SERPINF2: variants seen among roughly 807,000 people sequenced by gnomAD.
SERPINF2 encodes serpin family F member 2.
Under a neutral mutation model 45.0 loss-of-function variants are expected in SERPINF2, and 15 were observed. That is an observed-to-expected ratio of 0.33 (90% CI 0.22 to 0.51). The LOEUF (loss-of-function observed/expected upper bound fraction) is 0.51. SERPINF2 is among the 20% of genes least tolerant of loss of function. SERPINF2 has a pLI of 0.97. For synonymous variants in SERPINF2, 283 were observed against 277.9 expected, an observed-to-expected ratio of 1.02 and a Z score of -0.18; for missense variants, 518 against 637.4, an observed-to-expected ratio of 0.81 and a Z score of 2.02.
At position 1,745,244 on chromosome 17, in the gene SERPINF2, G is replaced by C. The variant is rs1289669344; in HGVS notation, c.102+31G>C. On this transcript the variant is annotated intron_variant, in intron 3 of 9. Transcript: ENST00000453066. The surrounding 1 kb of genome is among the most constrained non-coding windows in gnomAD (Gnocchi z 6.2). ...GGGGAGTGAGGAGCCTGTGATGGGG[G>C]GAAGGTCCCGGGGGTCTCACTGGTG... 6.3e-7 allele frequency: 1 copy of C among 1,584,954 alleles called. No individual in the cohort carries two copies. The highest frequency in any genetic ancestry group is 1.8e-5 in the Admixed American group (1 of 55,402).
chr17:1,754,912 T>C lies in SERPINF2; in HGVS notation c.*378T>C. ...AGGGGGAGAGGGCTGCCTTTGGACT[T>C]GTCCCGGGACACCTAGGCTAGGGTG... On this transcript the variant is annotated 3_prime_UTR_variant, in exon 10 of 10. Coordinates refer to ENST00000453066, the MANE Select transcript of SERPINF2 (RefSeq NM_000934.4). 3.3e-6 allele frequency: 1 copy of C among 298,600 alleles called. No homozygotes were observed. Among genetic ancestry groups the C allele is most frequent in the East Asian group, 7.1e-5 (1 of 13,998 alleles). The allele number at this position is 298,600 out of a possible 1,614,324, so 18.5% of individuals were successfully genotyped here.
At position 1,747,124 on chromosome 17, in the gene SERPINF2, G is replaced by A. The variant is rs141696263; in HGVS notation, c.473G>A (p.Gly158Asp). Residue 158 changes from glycine (G) to aspartate (D), a missense_variant, in exon 6 of 10, where the codon GGC becomes GAC. This residue lies in a region of SERPINF2 where 435 missense variants were observed against 577.3 expected (regional missense o/e 0.75). Coordinates refer to ENST00000453066, the MANE Select transcript of SERPINF2 (RefSeq NM_000934.4). ...CGCCTCTGCCAGGACCTGGGCCCCG[G>A]CGCGTTCCGACTGGCTGCCAGGATG... Reference protein sequence around the residue: ...LSRLCQDLGPGAFRLAARMYL... With the variant: ...LSRLCQDLGPDAFRLAARMYL... 278 of 1,611,852 alleles carry A rather than the reference G, an allele frequency of 1.7e-4. No individual in the cohort carries two copies. The African/African-American group carries it at 3.3e-3, about 19-fold the overall frequency.
intron 7 of SERPINF2, among the ~76,000 whole-genome samples, chr17:1,748,302 TA>T (rs552756412): frequency 0.24 from 34,397 of 140,736 alleles, 4,744 homozygotes; most frequent in East Asian, 0.5. Context: ...AGACTCCGTC[TA>T]AAAAAAAAAA....
In SERPINF2 at chr17:1,745,644, G is replaced by A; in HGVS notation, c.166-64G>A. 1 of 1,506,970 alleles carries A rather than the reference G, an allele frequency of 6.6e-7. No individual in the cohort carries two copies. The highest frequency in any genetic ancestry group is 9.2e-7 in the Non-Finnish European group (1 of 1,090,322). The allele number at this position is 1,506,970 out of a possible 1,614,324, so 93.3% of individuals were successfully genotyped here. A position where few individuals can be genotyped will look rare whatever the true frequency, so the allele number is the denominator to read the frequency against. On this transcript the variant is annotated intron_variant, in intron 4 of 9. Coordinates refer to ENST00000453066, the MANE Select transcript of SERPINF2 (RefSeq NM_000934.4). This position sits in a 1 kb window ranked among gnomAD's most constrained non-coding sequence, Gnocchi z 6.2. ...TCCTCAGGCACAGGGGCTGTGACAA[G>A]GCCTTCAACACAGAACCTGGAGCTG... is the stretch of plus-strand genomic sequence containing the variant.
intron 8 of SERPINF2, among the ~76,000 whole-genome samples, chr17:1,750,951 G>A (rs940442157): frequency 5.3e-5 from 8 of 151,854 alleles, no homozygotes; most frequent in East Asian, 1.9e-4. Context: ...TTCATCCTTC[G>A]TCTCCTTTCC....
chr17:1,745,099 G>C lies in SERPINF2; in HGVS notation c.63+41G>C. ...AGTCAAGGTGGGGTGGGGTGGAGGG[G>C]GAAGAAGAGGGGCGTTGGCATGGAG... On this transcript the variant is annotated intron_variant, in intron 2 of 9. Transcript: ENST00000453066. The surrounding 1 kb of genome is among the most constrained non-coding windows in gnomAD (Gnocchi z 6.2). 3.1e-6 allele frequency: 5 copies of C among 1,608,694 alleles called. No homozygotes were observed. The highest frequency in any genetic ancestry group is 4.2e-6 in the Non-Finnish European group (5 of 1,178,668).
Position 1,754,279 on chromosome 17 carries a change from C to T in SERPINF2, c.1221C>T (p.Ser407=), listed in dbSNP as rs746295482. 6 of 1,614,154 alleles carry T rather than the reference C, an allele frequency of 3.7e-6. No individual in the cohort carries two copies. The South Asian group carries it at 4.4e-5, about 12-fold the overall frequency. Residue 407 remains serine (S), a synonymous_variant, in exon 10 of 10, where the codon TCC becomes TCT. Transcript: ENST00000453066. ...TSIAMSRMSL[S]SFSVNRPFLF... ...TTGCCATGTCCCGCATGTCCCTGTC[C>T]TCCTTCAGCGTGAACCGCCCCTTCC... is the stretch of plus-strand genomic sequence containing the variant.
At position 1,754,667 on chromosome 17, in the gene SERPINF2, CTCTTGGGGAGTTTAGGGTGGGGGGGGGG is replaced by C; in HGVS notation, c.*134_*161del. The stretch of plus-strand genomic sequence containing the variant: ...GAGAGAGGCCATTCTTTCCCAACAC[CTCTTGGGGAGTTTAGGGTGGGGGGGGGG>C]CGCGGCTGGGAGGAGGGCAGGCATC... On this transcript the variant is annotated 3_prime_UTR_variant, in exon 10 of 10. Coordinates refer to ENST00000453066, the MANE Select transcript of SERPINF2 (RefSeq NM_000934.4). 2 of 693,406 alleles carry C rather than the reference CTCTTGGGGAGTTTAGGGTGGGGGGGGGG, an allele frequency of 2.9e-6. No homozygotes were observed. The highest frequency in any genetic ancestry group is 2.1e-6 in the Non-Finnish European group (1 of 473,832). 43.0% of individuals were successfully genotyped at this position (693,406 alleles called of 1,614,324 possible).
chr17:1,748,497 TG>T (rs1325596700), intron 7 of SERPINF2, 100 bp from the exon 8 acceptor site: 2 of 1,494,568 alleles, frequency 1.3e-6, no homozygotes, highest in East Asian at 2.3e-5. Context: ...GGCAACGGGC[TG>T]GGGGTGCAGA....
At position 1,754,339 on chromosome 17, in the gene SERPINF2, C is replaced by T. The variant is rs1322675726; in HGVS notation, c.1281C>T (p.Pro427=). 6.2e-7 allele frequency: 1 copy of T among 1,614,180 alleles called. No individual in the cohort carries two copies. Among genetic ancestry groups the T allele is most frequent in the South Asian group, 1.1e-5 (1 of 91,092 alleles). ...TCTTCGAGGACACCACAGGCCTTCC[C>T]CTCTTCGTGGGCAGCGTGAGGAACC... ...FFIFEDTTGL[P]LFVGSVRNPN... The change falls in exon 10 of 10, where the codon CCC becomes CCT. Residue 427 remains proline, a synonymous_variant. Coordinates refer to ENST00000453066, the MANE Select transcript of SERPINF2 (RefSeq NM_000934.4).
chr17:1,743,468 C>CT (rs1211210029), intron 1 of SERPINF2, among the ~76,000 whole-genome samples: 2 of 151,810 alleles, frequency 1.3e-5, no homozygotes, highest in Admixed American at 6.6e-5. Context: ...GTCATCCCAG[C>CT]ACTTTGGGAG....
chr17:1,744,210 T>TGTGGG (rs1905578372), intron 1 of SERPINF2, among the ~76,000 whole-genome samples: 7 of 150,954 alleles, frequency 4.6e-5, no homozygotes, highest in Admixed American at 2.0e-4. Flanking sequence ...AGATGGTCTT[T>TGTGGG]TGCCGGGTGC....
chr17:1,755,094 G>C lies in SERPINF2; in HGVS notation c.*560G>C, dbSNP rs1597337715. On this transcript the variant is annotated 3_prime_UTR_variant, in exon 10 of 10. Transcript: ENST00000453066. This position sits in a 1 kb window ranked among gnomAD's most constrained non-coding sequence, Gnocchi z 4.2. ...TGCCTTGTCACGCCAGACTTCCCAC[G>C]GCTCCTCGAGATCCCAACACTGCCA... The C allele has an allele frequency of 6.5e-6, 1 of 154,782 alleles. No individual in the cohort carries two copies. The highest frequency in any genetic ancestry group is 6.5e-5 in the Admixed American group (1 of 15,424). 9.6% of individuals were successfully genotyped at this position (154,782 alleles called of 1,614,324 possible). A position where few individuals can be genotyped will look rare whatever the true frequency, so the allele number is the denominator to read the frequency against.
chr17:1,754,494 C>G lies in SERPINF2; in HGVS notation c.1436C>G (p.Pro479Arg). 1.2e-6 allele frequency: 2 copies of G among 1,610,824 alleles called. No homozygotes were observed. The highest frequency in any genetic ancestry group is 2.2e-5 in the South Asian group (2 of 90,614). Residue 479 changes from proline (P) to arginine (R), a missense_variant, in exon 10 of 10, where the codon CCC (proline) becomes CGC (arginine). Around this residue, in one of 2 missense-constraint regions of SERPINF2, gnomAD observed 83 missense variants for 60.0 expected, o/e 1.38. Transcript: ENST00000453066. ...LFGPDLKLVP[P>R]MEEDYPQFGS... Reference sequence around the variant, plus strand: ...GGCCCTGACTTAAAACTTGTGCCCCCCATGGAGGAGGATTACCCCCAGTTT... The same window carrying G: ...GGCCCTGACTTAAAACTTGTGCCCCGCATGGAGGAGGATTACCCCCAGTTT...
chr17:1,744,353 C>T (rs997948535), intron 1 of SERPINF2, among the ~76,000 whole-genome samples: 6 of 152,028 alleles, frequency 3.9e-5, no homozygotes, highest in African/African-American at 9.6e-5. Flanking sequence ...ATTAGCCAGG[C>T]GTGGTGGTGC....
Position 1,747,127 on chromosome 17 carries a change from C to T in SERPINF2, c.476C>T (p.Ala159Val), listed in dbSNP as rs1469155581. The T allele has an allele frequency of 6.2e-6, 10 of 1,611,952 alleles. No individual in the cohort carries two copies. The highest frequency in any genetic ancestry group is 1.7e-4 in the Middle Eastern group (1 of 6,012). ...CTCTGCCAGGACCTGGGCCCCGGCG[C>T]GTTCCGACTGGCTGCCAGGATGTAC... is the stretch of plus-strand genomic sequence containing the variant. ...SRLCQDLGPG[A>V]FRLAARMYLQ... The change falls in exon 6 of 10, where the codon GCG (alanine) becomes GTG (valine). Residue 159 changes from alanine to valine, a missense_variant. Physicochemically the swap from Ala to Val is moderately conservative, Grantham distance 64. This residue lies in a region of SERPINF2 where 435 missense variants were observed against 577.3 expected (regional missense o/e 0.75). Coordinates refer to ENST00000453066, the MANE Select transcript of SERPINF2 (RefSeq NM_000934.4).
intron 1 of SERPINF2, among the ~76,000 whole-genome samples, chr17:1,743,316 C>A (rs990866277): frequency 2.6e-5 from 4 of 152,258 alleles, no homozygotes; most frequent in African/African-American, 9.6e-5. Flanking sequence ...CTGGGCTCTG[C>A]TGCTGGGTCA....
chr17:1,746,937 G>A (rs1041848095), intron 5 of SERPINF2, 82 bp from the exon 6 acceptor site: 4 of 1,538,994 alleles, frequency 2.6e-6, no homozygotes, highest in African/African-American at 1.4e-5. Context: ...TCCTCGTCAC[G>A]GGTATCCAGG....
chr17:1,748,598 G>A lies in SERPINF2; in HGVS notation c.716G>A (p.Gly239Asp). The change falls in exon 8 of 10, where the codon GGT (glycine) becomes GAT (aspartate). Residue 239 changes from glycine to aspartate, a missense_variant and splice_region_variant. Gly to Asp is a moderately conservative substitution (Grantham distance 94, BLOSUM62 -1). This residue lies in a region of SERPINF2 where 435 missense variants were observed against 577.3 expected (regional missense o/e 0.75). Transcript: ENST00000453066. ...LLLLNAIHFQGFWRNKFDPSL... is the reference protein window; with the variant it reads ...LLLLNAIHFQDFWRNKFDPSL... Reference sequence around the variant, plus strand: ...ACCCCTGCCCTCTGCTGGGTTTCAGGTTTCTGGAGGAACAAGTTTGACCCG... The same window carrying A: ...ACCCCTGCCCTCTGCTGGGTTTCAGATTTCTGGAGGAACAAGTTTGACCCG... 1.2e-6 allele frequency: 2 copies of A among 1,613,512 alleles called. No individual in the cohort carries two copies. The highest frequency in any genetic ancestry group is 1.7e-6 in the Non-Finnish European group (2 of 1,180,042).
Sources: gnomAD v4.1 joint callset for allele counts (sites outside exome capture counted in the v4.1 genomes callset) on GRCh38, gnomAD v4.1.1 for gene constraint, gnomAD v4.1.1 regional missense constraint, Gnocchi (gnomAD v3.1) non-coding constraint, MANE v1.5 for transcripts, NCBI Gene and HGNC (gene_info 2026-07-23, HGNC 2026-07-21) for gene names.